The following UNC5D variants were observed in gnomAD, a reference collection of about 807,000 sequenced individuals.
UNC5D encodes the protein unc-5 netrin receptor D, also known as netrin receptor UNC5D.
In UNC5D, 39 loss-of-function variants were observed where a neutral mutation model predicts 105.4. The ratio of observed to expected loss-of-function variants is 0.37; its 90% CI spans 0.29 to 0.48. The LOEUF (loss-of-function observed/expected upper bound fraction) is 0.48, where lower values mean the gene tolerates loss of function less well. Among genes scored for constraint, UNC5D ranks in the 20% least tolerant of loss-of-function variants. The probability of loss-of-function intolerance (pLI) is 0.98; values close to 1 mark genes in which losing one functional copy is unlikely to be tolerated. For synonymous variants in UNC5D, 452 were observed against 450.4 expected (o/e 1.00, Z -0.04); for missense variants, 991 against 1,202.4 (o/e 0.82, Z 2.60).
rs542891685 is a variant in UNC5D, at chr8:35,384,151, C to T, written c.103+148264C>T. Reference sequence around the variant, plus strand: ...GAATGGCTGGTGTGAACCTGTGAGGCGGAGTTGCAGTAAGCCGAGATCGTG... The same window carrying T: ...GAATGGCTGGTGTGAACCTGTGAGGTGGAGTTGCAGTAAGCCGAGATCGTG... On this transcript the variant is annotated intron_variant, in intron 1 of 16. Transcript: ENST00000404895. Among the ~76,000 whole-genome samples, 436 of 148,384 alleles carry T rather than the reference C, an allele frequency of 2.9e-3. 6 individuals carry two copies. Among genetic ancestry groups the T allele is most frequent in the African/African-American group, 0.01 (418 of 40,086 alleles).
At chr8:35,614,280 A>G (rs1359282701) in intron 4 of UNC5D, among the ~76,000 whole-genome samples, 1 of 152,200 alleles carries the variant, frequency 6.6e-6, no homozygotes, top group African/African-American at 2.4e-5. Context: ...TACAGGAATC[A>G]CTAGACTATT....
chr8:35,625,756 G>T (rs373936948), intron 4 of UNC5D, among the ~76,000 whole-genome samples: 6 of 152,096 alleles, frequency 3.9e-5, no homozygotes, highest in African/African-American at 1.4e-4. Flanking sequence ...ATCAATATTT[G>T]CTTTACTTTT....
chr8:35,284,970 C>T (rs1806484182), intron 1 of UNC5D, among the ~76,000 whole-genome samples: 1 of 151,894 alleles, frequency 6.6e-6, no homozygotes, highest in Non-Finnish European at 1.5e-5. Flanking sequence ...GCTTTTTTTC[C>T]TATTTGATAC....
intron 4 of UNC5D, among the ~76,000 whole-genome samples, chr8:35,671,806 GT>G (rs1046847966): frequency 6.7e-6 from 1 of 150,366 alleles, no homozygotes; most frequent in Non-Finnish European, 1.5e-5. Context: ...AGTCTTTTTG[GT>G]TTTTTTTTCA....
chr8:35,264,360 T>TGATAGGACATAGAG (rs1554497620), intron 1 of UNC5D, among the ~76,000 whole-genome samples: 2 of 151,302 alleles, frequency 1.3e-5, no homozygotes, highest in African/African-American at 4.9e-5. Context: ...TTCAAGTATA[T>TGATAGGACATAGAG]AATAGGACAT....
At chr8:35,300,459 A>C in intron 1 of UNC5D, among the ~76,000 whole-genome samples, 1 of 44,094 alleles carries the variant, frequency 2.3e-5, no homozygotes, top group Non-Finnish European at 4.2e-5. Context: ...AAAAAAAAAA[A>C]AAAAAAAAAA....
intron 1 of UNC5D, among the ~76,000 whole-genome samples, chr8:35,414,737 C>T (rs967913830): frequency 6.6e-6 from 1 of 152,032 alleles, no homozygotes; most frequent in Non-Finnish European, 1.5e-5. Context: ...TAGAATTTAC[C>T]TTTGAAGAAA....
chr8:35,351,762 G>A (rs999519073), intron 1 of UNC5D, among the ~76,000 whole-genome samples: 4 of 152,110 alleles, frequency 2.6e-5, no homozygotes, highest in Non-Finnish European at 5.9e-5. Flanking sequence ...TATATGATAA[G>A]GGTTTAATTT....
At chr8:35,720,839 GT>G (rs34361312) in intron 8 of UNC5D, among the ~76,000 whole-genome samples, 31,710 of 143,718 alleles carry the variant, frequency 0.22, 4,156 homozygotes, top group African/African-American at 0.39. Flanking sequence ...TTCAGATGCT[GT>G]TTTTTTTTTT....
intron 6 of UNC5D, among the ~76,000 whole-genome samples, chr8:35,685,197 C>T (rs1296914121): frequency 2.0e-5 from 3 of 152,160 alleles, no homozygotes; most frequent in Non-Finnish European, 4.4e-5. Context: ...TTTATCAGTT[C>T]TAGCTTTGTA....
chr8:35,788,463 G>T (rs1291714127), intron 16 of UNC5D, among the ~76,000 whole-genome samples: 1 of 152,108 alleles, frequency 6.6e-6, no homozygotes, highest in East Asian at 1.9e-4. Flanking sequence ...AATCTTTTGT[G>T]TTGTCTTTGT....
intron 1 of UNC5D, among the ~76,000 whole-genome samples, chr8:35,275,468 C>T (rs1346559854): frequency 1.3e-5 from 2 of 151,950 alleles, no homozygotes; most frequent in African/African-American, 4.8e-5. Context: ...AAGAACATGA[C>T]CTGGTTTTCT....
chr8:35,398,836 G>A (rs528477786), intron 1 of UNC5D, among the ~76,000 whole-genome samples: 5 of 152,112 alleles, frequency 3.3e-5, no homozygotes, highest in South Asian at 2.1e-4. Context: ...TTTTAAACAG[G>A]AGTTTAAAAC....
At chr8:35,643,021 T>G (rs1822843811) in intron 4 of UNC5D, among the ~76,000 whole-genome samples, 1 of 152,136 alleles carries the variant, frequency 6.6e-6, no homozygotes. Context: ...ACAGGCCAGC[T>G]TCTGGTCACC....
intron 1 of UNC5D, among the ~76,000 whole-genome samples, chr8:35,519,398 T>G (rs578236863): frequency 1.3e-5 from 2 of 152,292 alleles, no homozygotes; most frequent in Non-Finnish European, 2.9e-5. Context: ...CCTCATACAT[T>G]TATAACATAC....
chr8:35,789,820 T>C (rs1176888422), intron 16 of UNC5D, among the ~76,000 whole-genome samples: 1 of 151,422 alleles, frequency 6.6e-6, no homozygotes, highest in Non-Finnish European at 1.5e-5. Context: ...TCAAATATTT[T>C]GAAAAAATAG....
chr8:35,791,549 C>G lies in UNC5D; in HGVS notation c.*986C>G. 6.6e-6 allele frequency: 1 copy of G among 152,160 alleles called. No individual in the cohort carries two copies. Among genetic ancestry groups the G allele is most frequent in the East Asian group, 1.9e-4 (1 of 5,182 alleles). 9.4% of individuals were successfully genotyped at this position (152,160 alleles called of 1,614,324 possible). A position where few individuals can be genotyped will look rare whatever the true frequency, so the allele number is the denominator to read the frequency against. ...TTGTTATAAGAAAATGAGTTTACTG[C>G]ATTTTTCAATCCAGATTCTTGAAAT... On this transcript the variant is annotated 3_prime_UTR_variant, in exon 17 of 17. Coordinates refer to ENST00000404895, the MANE Select transcript of UNC5D (RefSeq NM_080872.4).
chr8:35,665,722 G>A (rs930963769), intron 4 of UNC5D, among the ~76,000 whole-genome samples: 11 of 149,078 alleles, frequency 7.4e-5, no homozygotes, highest in African/African-American at 2.7e-4. Context: ...GGACTAAATA[G>A]GTAAGTATTA....
chr8:35,441,548 CT>C (rs1807404262), intron 1 of UNC5D, among the ~76,000 whole-genome samples: 1 of 151,616 alleles, frequency 6.6e-6, no homozygotes. Flanking sequence ...CTGGTGGTGC[CT>C]TGAATTGTGA....
Sources: allele counts gnomAD v4.1 joint callset (sites outside exome capture counted in the v4.1 genomes callset), GRCh38; gene constraint gnomAD v4.1.1; transcripts MANE v1.5; gene names NCBI Gene and HGNC (gene_info 2026-07-23, HGNC 2026-07-21).